PTPRZ1: variants seen among roughly 807,000 people sequenced by gnomAD.
PTPRZ1 encodes the protein protein tyrosine phosphatase receptor type Z1.
Under a neutral mutation model 214.1 loss-of-function variants are expected in PTPRZ1, and 82 were observed. The observed-to-expected ratio is 0.38, with a 90% CI of 0.32 to 0.46. The LOEUF is 0.46. PTPRZ1 is among the 20% of genes least tolerant of loss of function. PTPRZ1 has a pLI of 1.00. For synonymous variants in PTPRZ1, 945 were observed against 987.9 expected, an observed-to-expected ratio of 0.96 and a Z score of 0.81; for missense variants, 2,603 against 2,748.7, an observed-to-expected ratio of 0.95 and a Z score of 1.19.
At chr7:121,905,522 T>A (rs920119023) in intron 1 of PTPRZ1, among the ~76,000 whole-genome samples, 11 of 152,146 alleles carry the variant, frequency 7.2e-5, no homozygotes, top group African/African-American at 2.2e-4. Context: ...ATCTAAAATA[T>A]CTGCAACAAG....
At position 121,996,562 on chromosome 7, in the gene PTPRZ1, A is replaced by G. The variant is rs1270502156; in HGVS notation, c.1109A>G (p.Asp370Gly). 1 of 1,609,490 alleles carries G rather than the reference A, an allele frequency of 6.2e-7. No homozygotes were observed. Among genetic ancestry groups the G allele is most frequent in the Non-Finnish European group, 8.5e-7 (1 of 1,177,506 alleles). Residue 370 changes from aspartate (D) to glycine (G), a missense_variant, in exon 9 of 30, where the codon GAC becomes GGC. By Grantham distance (94) the Asp-to-Gly change is moderately conservative. Coordinates refer to ENST00000393386, the MANE Select transcript of PTPRZ1 (RefSeq NM_002851.3). Reference protein sequence around the residue: ...KHEFLTDGYQDLGAILNNLLP... With the variant: ...KHEFLTDGYQGLGAILNNLLP... ...GAATTTTTGACAGATGGCTATCAAGACTTGGTAACTATATGATCAGTTGTT... is the reference window on the plus strand; with the variant it reads ...GAATTTTTGACAGATGGCTATCAAGGCTTGGTAACTATATGATCAGTTGTT...
At position 121,948,977 on chromosome 7, in the gene PTPRZ1, G is replaced by C. The variant is rs113858760; in HGVS notation, c.125-18974G>C. ...AAAAAGTTTATCTTGCCAGGGTTGA[G>C]GATGCAAGCCCATAACACAGCCTCA... On this transcript the variant is annotated intron_variant, in intron 2 of 29. Coordinates refer to ENST00000393386, the MANE Select transcript of PTPRZ1 (RefSeq NM_002851.3). Among the ~76,000 whole-genome samples the C allele has an allele frequency of 4.2e-3, 635 of 152,244 alleles. 5 individuals carry two copies. Among genetic ancestry groups the C allele is most frequent in the Non-Finnish European group, 6.5e-3 (442 of 68,024 alleles).
chr7:122,037,881 G>A (rs530316664), intron 18 of PTPRZ1, among the ~76,000 whole-genome samples: 1 of 152,260 alleles, frequency 6.6e-6, no homozygotes, highest in East Asian at 1.9e-4. Flanking sequence ...TTCTGTATTA[G>A]TCTATGAAGG....
intron 6 of PTPRZ1, among the ~76,000 whole-genome samples, chr7:121,978,591 T>G (rs1290502853): frequency 6.6e-6 from 1 of 152,138 alleles, no homozygotes; most frequent in East Asian, 1.9e-4. Flanking sequence ...TGGGGGAAAC[T>G]GCCCCCATGA....
Position 122,040,839 on chromosome 7 carries a change from T to G in PTPRZ1, c.5661T>G (p.Ser1887Arg), listed in dbSNP as rs747250070. The change falls in exon 21 of 30, where the codon AGT becomes AGG. Residue 1887 changes from serine to arginine, a missense_variant. Physicochemically the swap from Ser to Arg is moderately radical, Grantham distance 110. This residue lies in a region of PTPRZ1 where 1,913 missense variants were observed against 1,914.3 expected (regional missense o/e 1.00). Transcript: ENST00000393386. ...AGGGCTCCCAGAAAGGAAGACCCAG[T>G]GGACGTGTGGTCACACAGTATCACT... is the stretch of plus-strand genomic sequence containing the variant. ...IKKGSQKGRP[S>R]GRVVTQYHYT... 2 of 1,572,430 alleles carry G rather than the reference T, an allele frequency of 1.3e-6. No homozygotes were observed. Among genetic ancestry groups the G allele is most frequent in the Non-Finnish European group, 1.7e-6 (2 of 1,153,666 alleles).
intron 11 of PTPRZ1, among the ~76,000 whole-genome samples, chr7:122,005,568 G>C (rs1195109871): frequency 6.6e-6 from 1 of 151,852 alleles, no homozygotes; most frequent in Non-Finnish European, 1.5e-5. Flanking sequence ...CTTTGTAACA[G>C]GAGTTTATAG....
chr7:122,041,143 G>A (rs1799720256), intron 21 of PTPRZ1, among the ~76,000 whole-genome samples, 164 bp downstream of exon 21: 1 of 152,196 alleles, frequency 6.6e-6, no homozygotes. Flanking sequence ...AAATGAACAT[G>A]CCAGACTCAG....
chr7:121,964,397 G>A (rs939960807), intron 2 of PTPRZ1, among the ~76,000 whole-genome samples: 11 of 152,142 alleles, frequency 7.2e-5, no homozygotes, highest in Admixed American at 2.6e-4. Flanking sequence ...AGAGTCAAGC[G>A]AAGGGGGAAG....
chr7:122,025,850 A>C (rs1367561663), intron 13 of PTPRZ1, among the ~76,000 whole-genome samples: 1 of 152,236 alleles, frequency 6.6e-6, no homozygotes, highest in Non-Finnish European at 1.5e-5. Flanking sequence ...ATAGATAAAT[A>C]CTGAGTCAGG....
Position 122,040,999 on chromosome 7 carries a change from C to T in PTPRZ1, c.5801+20C>T, listed in dbSNP as rs752426943. 2 of 1,475,262 alleles carry T rather than the reference C, an allele frequency of 1.4e-6. No individual in the cohort carries two copies. The highest frequency in any genetic ancestry group is 1.8e-6 in the Non-Finnish European group (2 of 1,102,414). The allele number at this position is 1,475,262 out of a possible 1,614,324, so 91.4% of individuals were successfully genotyped here. A position where few individuals can be genotyped will look rare whatever the true frequency, so the allele number is the denominator to read the frequency against. ...CTGCAGGTGAGTCTCAGAGATGTGCCTCTAAACCCATAGAATTGCTTATAC... is the reference window on the plus strand; with the variant it reads ...CTGCAGGTGAGTCTCAGAGATGTGCTTCTAAACCCATAGAATTGCTTATAC... On this transcript the variant is annotated intron_variant, in intron 21 of 29. Coordinates refer to ENST00000393386, the MANE Select transcript of PTPRZ1 (RefSeq NM_002851.3).
intron 8 of PTPRZ1, among the ~76,000 whole-genome samples, chr7:121,995,982 G>A (rs1276549546): frequency 6.6e-6 from 1 of 152,122 alleles, no homozygotes; most frequent in Non-Finnish European, 1.5e-5. Flanking sequence ...GAACTACAGA[G>A]CTATGGTTCT....
intron 6 of PTPRZ1, among the ~76,000 whole-genome samples, chr7:121,979,990 G>C (rs1055052687): frequency 6.6e-6 from 1 of 151,392 alleles, no homozygotes; most frequent in Non-Finnish European, 1.5e-5. Context: ...AGAGGCAGAA[G>C]AATGGATTCC....
chr7:121,901,325 G>A (rs1017623658), intron 1 of PTPRZ1, among the ~76,000 whole-genome samples: 1 of 152,142 alleles, frequency 6.6e-6, no homozygotes, highest in African/African-American at 2.4e-5. Context: ...CAGGAAAAAT[G>A]TAATAAAAGC....
At chr7:121,896,503 T>A (rs1194354819) in intron 1 of PTPRZ1, among the ~76,000 whole-genome samples, 1 of 152,164 alleles carries the variant, frequency 6.6e-6, no homozygotes, top group Non-Finnish European at 1.5e-5. Context: ...AATAAAATAT[T>A]AATCACCCTT....
chr7:122,010,798 A>G lies in PTPRZ1; in HGVS notation c.1752A>G (p.Glu584=). The G allele has an allele frequency of 1.2e-6, 2 of 1,614,084 alleles. No homozygotes were observed. Among genetic ancestry groups the G allele is most frequent in the Non-Finnish European group, 1.7e-6 (2 of 1,179,986 alleles). The change falls in exon 12 of 30, where the codon GAA becomes GAG. Residue 584 remains glutamate (E), a synonymous_variant. Transcript: ENST00000393386. ...GTTTCAAGCTTGATACTGGAGCTGAAGATTCTTCAGGCTCCAGTCCCGCAA... is the reference window on the plus strand; with the variant it reads ...GTTTCAAGCTTGATACTGGAGCTGAGGATTCTTCAGGCTCCAGTCCCGCAA... The part of the protein sequence containing the change: ...LTSFKLDTGA[E]DSSGSSPATS...
At chr7:121,908,963 T>C (rs1252568986) in intron 1 of PTPRZ1, 1 of 517,286 alleles carries the variant, frequency 1.9e-6, no homozygotes, top group Non-Finnish European at 3.9e-6. Flanking sequence ...AGCAGACATG[T>C]TAGACTTTAG....
intron 2 of PTPRZ1, among the ~76,000 whole-genome samples, chr7:121,934,590 G>T (rs1796020186): frequency 6.7e-6 from 1 of 150,280 alleles, no homozygotes; most frequent in African/African-American, 2.5e-5. Context: ...TCAAATAGAT[G>T]CTTCACATTG....
At chr7:121,874,039 G>GACACACACACACACACACACACAC (rs10640393) in intron 1 of PTPRZ1, among the ~76,000 whole-genome samples, 14 of 147,930 alleles carry the variant, frequency 9.5e-5, no homozygotes, top group African/African-American at 3.5e-4. Flanking sequence ...GTGAATTGCA[G>GACACACACACACACACACACACAC]ACACACACAC....
intron 8 of PTPRZ1, among the ~76,000 whole-genome samples, chr7:121,995,394 C>G (rs1798102182): frequency 6.6e-6 from 1 of 152,172 alleles, no homozygotes; most frequent in African/African-American, 2.4e-5. Flanking sequence ...CTTTGCAAAT[C>G]TGGCCCATGA....
Sources: allele counts gnomAD v4.1 joint callset (sites outside exome capture counted in the v4.1 genomes callset), GRCh38; gene constraint gnomAD v4.1.1; regional missense constraint gnomAD v4.1.1; transcripts MANE v1.5; gene names NCBI Gene and HGNC (gene_info 2026-07-23, HGNC 2026-07-21).